The following EIF5B variants were observed in gnomAD, a reference collection of about 807,000 sequenced individuals.
EIF5B encodes eIF-5B.
EIF5B carries 47 observed loss-of-function variants against 147.5 expected under a neutral mutation model. The observed-to-expected ratio is 0.32, with a 90% CI of 0.25 to 0.41. EIF5B has a LOEUF of 0.41. Among genes scored for constraint, EIF5B ranks in the 10% least tolerant of loss-of-function variants. The pLI is 1.00. For synonymous variants in EIF5B, 455 were observed against 456.2 expected (o/e 1.00, Z 0.03); for missense variants, 1,064 against 1,413.2 (o/e 0.75, Z 3.96).
At chr2:99,369,580 C>A in intron 8 of EIF5B, 99 bp downstream of exon 8, 4 of 902,952 alleles carry the variant, frequency 4.4e-6, no homozygotes, top group Non-Finnish European at 6.5e-6. Context: ...TGGGGAGAAC[C>A]AAATAAGTAT....
chr2:99,358,943 G>A (rs537965495), intron 1 of EIF5B, among the ~76,000 whole-genome samples: 3 of 152,174 alleles, frequency 2.0e-5, no homozygotes, highest in Admixed American at 6.5e-5. Flanking sequence ...TTGCAATTTG[G>A]GGTTTACTGG....
At position 99,374,684 on chromosome 2, in the gene EIF5B, A is replaced by G. The variant is rs921977909; in HGVS notation, c.1553-1663A>G. Among the ~76,000 whole-genome samples, 3 of 152,210 alleles carry G rather than the reference A, an allele frequency of 2.0e-5. No individual in the cohort carries two copies. The South Asian group carries it at 6.2e-4, about 32-fold the overall frequency. ...CTGTTGAGAAGTCAGGTATCAGCCT[A>G]AATTTTTCATATGGTCTTGCTTTTC... On this transcript the variant is annotated intron_variant, in intron 9 of 23. Transcript: ENST00000289371.
At chr2:99,344,893 T>C (rs1189954260) in intron 1 of EIF5B, among the ~76,000 whole-genome samples, 1 of 152,224 alleles carries the variant, frequency 6.6e-6, no homozygotes, top group Non-Finnish European at 1.5e-5. Flanking sequence ...CCCCCTCCTT[T>C]CTTTTCTCCA....
Position 99,364,262 on chromosome 2 carries a change from CTT to C in EIF5B, c.1138-6_1138-5del, listed in dbSNP as rs748547490. On this transcript the variant is annotated splice_polypyrimidine_tract_variant and splice_region_variant and intron_variant, in intron 5 of 23. Transcript: ENST00000289371. Reference sequence around the variant, plus strand: ...ATACAGGTTTTGTCTGACATGTACTCTTTTATAGGAACGATTGGAACAAGAAA... The same window carrying C: ...ATACAGGTTTTGTCTGACATGTACTCTTATAGGAACGATTGGAACAAGAAA... 2.7e-4 allele frequency: 424 copies of C among 1,583,780 alleles called. No homozygotes were observed. Among genetic ancestry groups the C allele is most frequent in the Non-Finnish European group, 2.9e-4 (340 of 1,170,410 alleles).
chr2:99,353,423 T>C (rs1220669226), intron 1 of EIF5B, among the ~76,000 whole-genome samples: 2 of 152,154 alleles, frequency 1.3e-5, no homozygotes, highest in Admixed American at 1.3e-4. Flanking sequence ...CTTCCCAAAG[T>C]GCTGGGATTA....
intron 1 of EIF5B, among the ~76,000 whole-genome samples, chr2:99,342,971 T>C (rs1268954351): frequency 6.6e-6 from 1 of 150,734 alleles, no homozygotes; most frequent in Non-Finnish European, 1.5e-5. Context: ...TTTCTTTCTT[T>C]TTTTTTTGAG....
rs551353367 is a variant in EIF5B, at chr2:99,359,360, G to T, written c.36-876G>T. Among the ~76,000 whole-genome samples, 3 of 151,338 alleles carry T rather than the reference G, an allele frequency of 2.0e-5. No homozygotes were observed. The South Asian group carries it at 6.3e-4, about 32-fold the overall frequency. Reference sequence around the variant, plus strand: ...CTCCAGCCTAGGCGACAGAGTGAGAGTCCGTCTCAAAAAAAGGAAAAAAAA... The same window carrying T: ...CTCCAGCCTAGGCGACAGAGTGAGATTCCGTCTCAAAAAAAGGAAAAAAAA... On this transcript the variant is annotated intron_variant, in intron 1 of 23. Coordinates refer to ENST00000289371, the MANE Select transcript of EIF5B (RefSeq NM_015904.4).
At position 99,394,135 on chromosome 2, in the gene EIF5B, C is replaced by T. The variant is rs1674996464; in HGVS notation, c.2881-132C>T. The T allele has an allele frequency of 4.3e-6, 5 of 1,168,090 alleles. No homozygotes were observed. The Admixed American group carries it at 1.2e-4, about 28-fold the overall frequency. The allele number at this position is 1,168,090 out of a possible 1,614,324, so 72.4% of individuals were successfully genotyped here. A position where few individuals can be genotyped will look rare whatever the true frequency, so the allele number is the denominator to read the frequency against. On this transcript the variant is annotated intron_variant, in intron 18 of 23. Coordinates refer to ENST00000289371, the MANE Select transcript of EIF5B (RefSeq NM_015904.4). ...TCATTCCAGCACAGGTTCTGTGATG[C>T]CTTGCTCTATCTAAGCCTTAGTTTC...
intron 9 of EIF5B, 146 bp from the exon 10 acceptor site, chr2:99,376,201 A>G: frequency 3.7e-6 from 2 of 540,594 alleles, no homozygotes; most frequent in Non-Finnish European, 6.4e-6. Flanking sequence ...GTGTTAGTGT[A>G]TTTTATGTGT....
intron 7 of EIF5B, among the ~76,000 whole-genome samples, chr2:99,369,045 G>A (rs1674385313): frequency 6.6e-6 from 1 of 152,234 alleles, no homozygotes; most frequent in Admixed American, 6.5e-5. Flanking sequence ...GGCTGAGGCG[G>A]GCGGATCACC....
chr2:99,386,917 T>C (rs1417737201), intron 14 of EIF5B, among the ~76,000 whole-genome samples: 2 of 152,070 alleles, frequency 1.3e-5, no homozygotes, highest in Non-Finnish European at 2.9e-5. Context: ...TTTTTATATT[T>C]TATTTATTTT....
chr2:99,368,645 C>T (rs1391154613), intron 7 of EIF5B, 54 bp downstream of exon 7: 1 of 1,352,416 alleles, frequency 7.4e-7, no homozygotes, highest in Admixed American at 1.9e-5. Context: ...GCCTTTCCCC[C>T]ACAATCTTCA....
chr2:99,386,591 G>T (rs914799573), intron 14 of EIF5B, among the ~76,000 whole-genome samples: 1 of 148,438 alleles, frequency 6.7e-6, no homozygotes, highest in Non-Finnish European at 1.5e-5. Flanking sequence ...GCAGTGTGGC[G>T]CACTCTTGGT....
chr2:99,356,053 A>G (rs1380565797), intron 1 of EIF5B, among the ~76,000 whole-genome samples: 1 of 152,220 alleles, frequency 6.6e-6, no homozygotes, highest in Non-Finnish European at 1.5e-5. Flanking sequence ...CAGTCAACGA[A>G]TCAATATTAT....
At chr2:99,359,317 C>T (rs529496419) in intron 1 of EIF5B, among the ~76,000 whole-genome samples, 3 of 151,498 alleles carry the variant, frequency 2.0e-5, no homozygotes, top group East Asian at 1.9e-4. Flanking sequence ...TGCAGTGAGC[C>T]GAGATCACGC....
chr2:99,355,216 G>A (rs987919879), intron 1 of EIF5B, among the ~76,000 whole-genome samples: 4 of 152,288 alleles, frequency 2.6e-5, no homozygotes, highest in Admixed American at 2.6e-4. Flanking sequence ...AAATCTGGTA[G>A]TATGATTCCT....
chr2:99,353,476 A>G (rs1293077401), intron 1 of EIF5B, among the ~76,000 whole-genome samples: 1 of 152,196 alleles, frequency 6.6e-6, no homozygotes, highest in Non-Finnish European at 1.5e-5. Context: ...AGATAATGAC[A>G]TTGATACAAT....
At chr2:99,378,636 T>C (rs1213972561) in intron 10 of EIF5B, among the ~76,000 whole-genome samples, 1 of 152,224 alleles carries the variant, frequency 6.6e-6, no homozygotes. Context: ...TCACCTGTTT[T>C]TATATAAATC....
chr2:99,377,738 A>G (rs911213963), intron 10 of EIF5B, among the ~76,000 whole-genome samples: 2 of 152,080 alleles, frequency 1.3e-5, no homozygotes, highest in African/African-American at 4.8e-5. Flanking sequence ...AGCCCCCAAT[A>G]TAGTCATATG....
Sources: gnomAD v4.1 joint callset for allele counts (sites outside exome capture counted in the v4.1 genomes callset) on GRCh38, gnomAD v4.1.1 for gene constraint, MANE v1.5 for transcripts, NCBI Gene and HGNC (gene_info 2026-07-23, HGNC 2026-07-21) for gene names.